The following SUPV3L1 variants were observed in gnomAD, a reference collection of about 807,000 sequenced individuals.
SUPV3L1 encodes the protein Suv3 like RNA helicase.
Under a neutral mutation model 70.0 loss-of-function variants are expected in SUPV3L1, and 35 were observed. The observed-to-expected ratio is 0.50, with a 90% CI of 0.38 to 0.66. SUPV3L1 has a LOEUF of 0.66. Ranked by LOEUF, SUPV3L1 falls within the 30% of genes least tolerant of loss-of-function variation. The pLI, the probability that SUPV3L1 is intolerant of heterozygous loss-of-function variation, is 0.00. For synonymous variants in SUPV3L1, 364 were observed against 341.9 expected (o/e 1.06, Z -0.71); for missense variants, 777 against 961.5 (o/e 0.81, Z 2.54).
Position 69,191,689 on chromosome 10 carries a change from G to A in SUPV3L1, c.776G>A (p.Arg259His), listed in dbSNP as rs562590057. The change falls in exon 6 of 15, where the codon CGT (arginine) becomes CAT (histidine). Residue 259 changes from arginine to histidine, a missense_variant. Arg to His is a conservative substitution (Grantham distance 29). Transcript: ENST00000359655. Reference sequence around the variant, plus strand: ...TGTGACTTGGTGACAGGTGAAGAGCGTGTGACAGTTCAGCCAAATGGGAAA... The same window carrying A: ...TGTGACTTGGTGACAGGTGAAGAGCATGTGACAGTTCAGCCAAATGGGAAA... The part of the protein sequence containing the change: ...VPCDLVTGEE[R>H]VTVQPNGKQA... 1.3e-5 allele frequency: 21 copies of A among 1,613,944 alleles called. No homozygotes were observed. Among genetic ancestry groups the A allele is most frequent in the Middle Eastern group, 1.6e-4 (1 of 6,084 alleles).
chr10:69,184,709 TTCC>T (rs1425484488), intron 1 of SUPV3L1, among the ~76,000 whole-genome samples: 1 of 151,842 alleles, frequency 6.6e-6, no homozygotes, highest in Non-Finnish European at 1.5e-5. Context: ...ATTCTGAAAT[TTCC>T]TCATTCTGTC....
intron 5 of SUPV3L1, 92 bp downstream of exon 5, chr10:69,189,527 C>T: frequency 7.8e-7 from 1 of 1,277,926 alleles, no homozygotes; most frequent in Non-Finnish European, 1.1e-6. Context: ...TTACTGTTAA[C>T]AAGAAATTAC....
chr10:69,192,243 G>A (rs916120197), intron 6 of SUPV3L1: 1 of 152,658 alleles, frequency 6.6e-6, no homozygotes, highest in African/African-American at 2.4e-5. Context: ...ACAAATGCCT[G>A]CACCTGAAGT....
chr10:69,197,165 T>A, intron 8 of SUPV3L1, 82 bp downstream of exon 8: 1 of 1,102,000 alleles, frequency 9.1e-7, no homozygotes, highest in Non-Finnish European at 1.4e-6. Flanking sequence ...AGGCCCTAGA[T>A]AATGCCAGCG....
At chr10:69,188,608 C>T (rs1800628385) in intron 4 of SUPV3L1, among the ~76,000 whole-genome samples, 1 of 152,144 alleles carries the variant, frequency 6.6e-6, no homozygotes, top group Non-Finnish European at 1.5e-5. Context: ...AAGTGATTCT[C>T]CTGCCTCAGC....
At position 69,196,962 on chromosome 10, in the gene SUPV3L1, A is replaced by T. The variant is rs377213670; in HGVS notation, c.932-30A>T. On this transcript the variant is annotated intron_variant, in intron 7 of 14. Coordinates refer to ENST00000359655, the MANE Select transcript of SUPV3L1 (RefSeq NM_003171.5). ...TTGTATATTTAATTATAAATCTTTA[A>T]AATTAAGAAACCCAGTTTTGCATTG... The T allele has an allele frequency of 2.0e-4, 319 of 1,589,952 alleles. 3 individuals carry two copies. The African/African-American group carries it at 3.7e-3, about 19-fold the overall frequency.
At chr10:69,181,267 T>A (rs1208334705) in intron 1 of SUPV3L1, among the ~76,000 whole-genome samples, 1 of 152,150 alleles carries the variant, frequency 6.6e-6, no homozygotes, top group Non-Finnish European at 1.5e-5. Context: ...AGTTTCGGGA[T>A]GATTAGGGAG....
At chr10:69,195,068 G>A (rs905566225) in intron 6 of SUPV3L1, 120 bp from the exon 7 acceptor site, 2 of 673,312 alleles carry the variant, frequency 3.0e-6, no homozygotes, top group African/African-American at 3.6e-5. Context: ...TGCTGGAAAA[G>A]AGGAACCCAG....
At position 69,180,528 on chromosome 10, in the gene SUPV3L1, C is replaced by T; in HGVS notation, c.237C>T (p.Asp79=). 6.2e-7 allele frequency: 1 copy of T among 1,614,192 alleles called. No individual in the cohort carries two copies. ...CTCAGGGCCCCAGCGCCGACGGCGA[C>T]GTCGGGGCCGAGCTAACCCGGCCTC... ...VKPQGPSADG[D]VGAELTRPLD... The change falls in exon 1 of 15, where the codon GAC becomes GAT. Residue 79 remains aspartate, a synonymous_variant. Coordinates refer to ENST00000359655, the MANE Select transcript of SUPV3L1 (RefSeq NM_003171.5).
intron 14 of SUPV3L1, 146 bp downstream of exon 14, chr10:69,208,087 A>T (rs1256311302): frequency 1.0e-5 from 11 of 1,063,006 alleles, no homozygotes; most frequent in Admixed American, 9.9e-5. Flanking sequence ...AATTCAACTG[A>T]TGGAATGGTT....
In SUPV3L1 at chr10:69,207,856, T is replaced by C. The variant is rs752102880; in HGVS notation, c.1840T>C (p.Trp614Arg). 6.2e-7 allele frequency: 1 copy of C among 1,614,212 alleles called. No individual in the cohort carries two copies. The highest frequency in any genetic ancestry group is 1.7e-5 in the Admixed American group (1 of 60,018). ...TGCATGGTTACGCCGATACATCAAA[T>C]GGCCTTTACTTCCACCTAAGAATAT... ...TFAWLRRYIK[W>R]PLLPPKNIKD... Residue 614 changes from tryptophan to arginine, a missense_variant, in exon 14 of 15, where the codon TGG becomes CGG. Physicochemically the swap from Trp to Arg is moderately radical, Grantham distance 101. Coordinates refer to ENST00000359655, the MANE Select transcript of SUPV3L1 (RefSeq NM_003171.5).
At chr10:69,198,014 A>G (rs555963728) in intron 8 of SUPV3L1, among the ~76,000 whole-genome samples, 43 of 152,334 alleles carry the variant, frequency 2.8e-4, no homozygotes, top group Admixed American at 1.4e-3. Context: ...AGACTTGCAA[A>G]ATGTGCCTCA....
At chr10:69,192,553 A>T (rs181694013) in intron 6 of SUPV3L1, 1 of 152,260 alleles carries the variant, frequency 6.6e-6, no homozygotes, top group Non-Finnish European at 1.5e-5. Flanking sequence ...TGAAGTATCT[A>T]TAGCTACATA....
At chr10:69,182,579 A>G in intron 1 of SUPV3L1, 19 of 985,422 alleles carry the variant, frequency 1.9e-5, no homozygotes, top group Non-Finnish European at 2.3e-5. Context: ...AAGATAGAAT[A>G]AAGACATGGG....
chr10:69,191,807 TA>T, intron 6 of SUPV3L1, 41 bp downstream of exon 6: 1 of 1,504,930 alleles, frequency 6.6e-7, no homozygotes, highest in Admixed American at 1.9e-5. Flanking sequence ...TTGGTATTTT[TA>T]ATTTTTTTTT....
rs1842231456 is a variant in SUPV3L1, at chr10:69,186,341, AAAAG to A, written c.350-98_350-95del. 7.5e-4 allele frequency: 474 copies of A among 632,244 alleles called. 2 individuals carry two copies. Among genetic ancestry groups the A allele is most frequent in the East Asian group, 8.7e-4 (29 of 33,356 alleles). 39.2% of individuals were successfully genotyped at this position (632,244 alleles called of 1,614,324 possible). ...CTGTACTGCCAAAAAAAAAAAAAAAAAAAGAAAAAAAAAGACTCTTTGATGAGTT... is the reference window on the plus strand; with the variant it reads ...CTGTACTGCCAAAAAAAAAAAAAAAAAAAAAAAAAGACTCTTTGATGAGTT... On this transcript the variant is annotated intron_variant, in intron 2 of 14. Coordinates refer to ENST00000359655, the MANE Select transcript of SUPV3L1 (RefSeq NM_003171.5).
chr10:69,201,478 C>T (rs1842678638), intron 11 of SUPV3L1, among the ~76,000 whole-genome samples: 1 of 150,050 alleles, frequency 6.7e-6, no homozygotes, highest in Non-Finnish European at 1.5e-5. Context: ...CATTTTAATT[C>T]AATGAGGAGA....
chr10:69,191,529 G>C, intron 5 of SUPV3L1, 126 bp from the exon 6 acceptor site: 1 of 758,872 alleles, frequency 1.3e-6, no homozygotes, highest in Non-Finnish European at 2.2e-6. Context: ...GTCTGGCCGT[G>C]GGAACATTAT....
chr10:69,193,143 C>G (rs985850069), intron 6 of SUPV3L1: 1 of 152,106 alleles, frequency 6.6e-6, no homozygotes, highest in East Asian at 1.9e-4. Flanking sequence ...CCCACCTATC[C>G]GGAATCAATA....
Sources: allele counts gnomAD v4.1 joint callset (sites outside exome capture counted in the v4.1 genomes callset), GRCh38; gene constraint gnomAD v4.1.1; transcripts MANE v1.5; gene names NCBI Gene and HGNC (gene_info 2026-07-23, HGNC 2026-07-21).